The following CADM1 variants were observed in gnomAD, a reference collection of about 807,000 sequenced individuals.
CADM1 encodes the protein TSLC-1.
In CADM1, 15 loss-of-function variants were observed where a neutral mutation model predicts 53.1. That is an observed-to-expected ratio of 0.28 (90% CI 0.19 to 0.44). The LOEUF is 0.44. Ranked by LOEUF, CADM1 falls within the 20% of genes least tolerant of loss-of-function variation. CADM1 has a pLI of 1.00. For missense variants in CADM1, 434 were observed against 611.3 expected (o/e 0.71, Z 3.06); for synonymous variants, 281 against 243.0 (o/e 1.16, Z -1.45).
chr11:115,481,464 C>T (rs1199339880), intron 1 of CADM1, among the ~76,000 whole-genome samples: 2 of 152,246 alleles, frequency 1.3e-5, no homozygotes, highest in South Asian at 2.1e-4. Context: ...TAATTGTTGA[C>T]GTTCCTGACA....
At chr11:115,431,248 A>T (rs1277524564) in intron 1 of CADM1, among the ~76,000 whole-genome samples, 3 of 152,186 alleles carry the variant, frequency 2.0e-5, no homozygotes, top group Non-Finnish European at 2.9e-5. Flanking sequence ...TGTCATTTAT[A>T]TGGCCTCATA....
At chr11:115,328,653 A>G (rs1945023640) in intron 1 of CADM1, among the ~76,000 whole-genome samples, 2 of 100,450 alleles carry the variant, frequency 2.0e-5, no homozygotes, top group South Asian at 3.7e-4. Context: ...AAATATATAT[A>G]TACACACGCA....
Position 115,436,101 on chromosome 11 carries a change from A to C in CADM1, c.124+68170T>G, listed in dbSNP as rs1019732449. Among the ~76,000 whole-genome samples the C allele has an allele frequency of 4.6e-5, 7 of 152,326 alleles. No individual in the cohort carries two copies. In the East Asian group the frequency reaches 1.2e-3, roughly 25 times the overall value. On this transcript the variant is annotated intron_variant, in intron 1 of 11. Transcript: ENST00000331581. ...AATTGACAAAGATAACTACTGTTCT[A>C]TTGCATCTTACTCACTGACCCACTT...
At position 115,173,756 on chromosome 11, in the gene CADM1, G is replaced by C. The variant is rs953631423; in HGVS notation, c.*2718C>G. On this transcript the variant is annotated 3_prime_UTR_variant, in exon 12 of 12. Transcript: ENST00000331581. ...ATGCGAATGGGAACATATGGATATG[G>C]AGTTTCTTACACTGTAACATTGTCC... The C allele has an allele frequency of 1.0e-6, 1 of 975,582 alleles. No individual in the cohort carries two copies. The highest frequency in any genetic ancestry group is 1.8e-5 in the African/African-American group (1 of 56,748). 60.4% of individuals were successfully genotyped at this position (975,582 alleles called of 1,614,324 possible).
intron 1 of CADM1, among the ~76,000 whole-genome samples, chr11:115,329,764 G>A (rs981318918): frequency 3.2e-4 from 49 of 152,068 alleles, no homozygotes; most frequent in Admixed American, 8.5e-4. Flanking sequence ...TGGTAAATGC[G>A]GAGGATTTTA....
chr11:115,291,936 C>G (rs1176818779), intron 1 of CADM1, among the ~76,000 whole-genome samples: 10 of 152,122 alleles, frequency 6.6e-5, no homozygotes, highest in Admixed American at 6.5e-4. Flanking sequence ...TGCAGAGCAG[C>G]CTTTCTTTGG....
chr11:115,286,070 T>A (rs1943721343), intron 1 of CADM1, among the ~76,000 whole-genome samples: 1 of 152,152 alleles, frequency 6.6e-6, no homozygotes, highest in Non-Finnish European at 1.5e-5. Context: ...ACAAGAGACA[T>A]AATCAGCTCT....
At position 115,423,466 on chromosome 11, in the gene CADM1, G is replaced by A. The variant is rs150086170; in HGVS notation, c.124+80805C>T. Among the ~76,000 whole-genome samples, 697 of 152,292 alleles carry A rather than the reference G, an allele frequency of 4.6e-3. 9 individuals carry two copies. The highest frequency in any genetic ancestry group is 0.016 in the African/African-American group (666 of 41,560). On this transcript the variant is annotated intron_variant, in intron 1 of 11. Coordinates refer to ENST00000331581, the MANE Select transcript of CADM1 (RefSeq NM_001301043.2). ...TCTCCTTACTATGCATGGTGACAGA[G>A]AAAGCTGCAAAGAGGGCACATAATT...
At chr11:115,190,153 T>C (rs1939775859) in intron 10 of CADM1, among the ~76,000 whole-genome samples, 1 of 152,178 alleles carries the variant, frequency 6.6e-6, no homozygotes, top group Non-Finnish European at 1.5e-5. Context: ...GATGGAAAGG[T>C]TTAAGCCATA....
chr11:115,403,448 T>C (rs1947215042), intron 1 of CADM1, among the ~76,000 whole-genome samples: 2 of 152,346 alleles, frequency 1.3e-5, no homozygotes, highest in African/African-American at 4.8e-5. Flanking sequence ...ACTGAACCAC[T>C]GCAAACTTTC....
intron 1 of CADM1, among the ~76,000 whole-genome samples, chr11:115,346,112 C>T (rs901138683): frequency 2.0e-5 from 3 of 149,300 alleles, no homozygotes; most frequent in African/African-American, 4.9e-5. Flanking sequence ...CCAGAGACTT[C>T]GGTTTGCAAG....
At chr11:115,426,843 G>A (rs1034247281) in intron 1 of CADM1, among the ~76,000 whole-genome samples, 2 of 152,146 alleles carry the variant, frequency 1.3e-5, no homozygotes, top group Non-Finnish European at 2.9e-5. Flanking sequence ...AGATGAAGCA[G>A]GAAGAGGCAT....
At chr11:115,320,552 C>T (rs145683811) in intron 1 of CADM1, among the ~76,000 whole-genome samples, 296 of 152,026 alleles carry the variant, frequency 1.9e-3, no homozygotes, top group African/African-American at 6.6e-3. Context: ...TAGTATTTCC[C>T]TATACTGTAT....
At chr11:115,254,643 G>A (rs548933537) in intron 1 of CADM1, among the ~76,000 whole-genome samples, 3 of 150,956 alleles carry the variant, frequency 2.0e-5, no homozygotes, top group Non-Finnish European at 4.4e-5. Flanking sequence ...ATATGCTATG[G>A]GTACCATAGA....
At chr11:115,241,968 C>CT (rs753938722) in intron 1 of CADM1, among the ~76,000 whole-genome samples, 411 of 138,406 alleles carry the variant, frequency 3.0e-3, no homozygotes, top group African/African-American at 5.6e-3. Context: ...TTGAAGGATC[C>CT]TTTTTTTTTT....
chr11:115,264,015 G>C (rs1323273720), intron 1 of CADM1, among the ~76,000 whole-genome samples: 4 of 152,156 alleles, frequency 2.6e-5, no homozygotes, highest in Admixed American at 2.6e-4. Flanking sequence ...GTAATAAGAG[G>C]AGGAAGATGA....
chr11:115,364,853 T>C (rs1946118231), intron 1 of CADM1, among the ~76,000 whole-genome samples: 1 of 152,220 alleles, frequency 6.6e-6, no homozygotes, highest in Admixed American at 6.5e-5. Context: ...AACTTATTAA[T>C]GTTGGCGTGT....
chr11:115,470,829 A>G (rs540479997), intron 1 of CADM1, among the ~76,000 whole-genome samples: 1 of 152,348 alleles, frequency 6.6e-6, no homozygotes, highest in South Asian at 2.1e-4. Flanking sequence ...TATAACAATC[A>G]TATGAAGTAG....
At chr11:115,230,986 C>T (rs1461859844) in intron 4 of CADM1, among the ~76,000 whole-genome samples, 3 of 152,106 alleles carry the variant, frequency 2.0e-5, no homozygotes, top group Non-Finnish European at 4.4e-5. Flanking sequence ...TAGGTCTCTG[C>T]AAAAGACAGG....
Sources: gnomAD v4.1 joint callset for allele counts (sites outside exome capture counted in the v4.1 genomes callset) on GRCh38, gnomAD v4.1.1 for gene constraint, MANE v1.5 for transcripts, NCBI Gene and HGNC (gene_info 2026-07-23, HGNC 2026-07-21) for gene names.